Variants in DLG2 observed in about 807,000 individuals in gnomAD.
DLG2 encodes disks large homolog 2.
In DLG2, 45 loss-of-function variants were observed where a neutral mutation model predicts 132.5. That is an observed-to-expected ratio of 0.34 (90% CI 0.27 to 0.44). The LOEUF (loss-of-function observed/expected upper bound fraction) is 0.44. Ranked by LOEUF, DLG2 falls within the 20% of genes least tolerant of loss-of-function variation. The pLI, the probability that DLG2 is intolerant of heterozygous loss-of-function variation, is 1.00. For missense variants in DLG2, 1,045 were observed against 1,196.9 expected (o/e 0.87, Z 1.87); for synonymous variants, 424 against 419.6 (o/e 1.01, Z -0.13).
intron 6 of DLG2, among the ~76,000 whole-genome samples, chr11:84,612,525 C>T (rs1461726645): frequency 6.6e-6 from 1 of 151,964 alleles, no homozygotes; most frequent in African/African-American, 2.4e-5. Flanking sequence ...TTATGGTTAA[C>T]ACTAAGTATT....
chr11:84,374,485 GATTTT>G (rs2098721245), intron 7 of DLG2, among the ~76,000 whole-genome samples: 1 of 152,104 alleles, frequency 6.6e-6, no homozygotes, highest in African/African-American at 2.4e-5. Context: ...TTTAATCTGT[GATTTT>G]TTTTAGCCCA....
chr11:84,380,697 G>A (rs2098746329), intron 7 of DLG2, among the ~76,000 whole-genome samples: 1 of 151,396 alleles, frequency 6.6e-6, no homozygotes, highest in Non-Finnish European at 1.5e-5. Context: ...AAGAAAGTTG[G>A]GAAGAAGACT....
chr11:84,898,232 A>C (rs1033230373), intron 6 of DLG2, among the ~76,000 whole-genome samples: 3 of 152,002 alleles, frequency 2.0e-5, no homozygotes, highest in African/African-American at 4.8e-5. Context: ...AAAAATTTCT[A>C]ATCAGCTGTA....
chr11:84,599,306 C>T (rs552923246), intron 6 of DLG2, among the ~76,000 whole-genome samples: 14 of 152,222 alleles, frequency 9.2e-5, no homozygotes, highest in East Asian at 7.7e-4. Context: ...CCTTGTTTTA[C>T]GAGGGACTAT....
At chr11:84,869,936 T>C (rs1319045623) in intron 6 of DLG2, among the ~76,000 whole-genome samples, 2 of 152,228 alleles carry the variant, frequency 1.3e-5, no homozygotes, top group African/African-American at 2.4e-5. Flanking sequence ...GCAGAAAATA[T>C]GTTTTTGGAA....
At position 85,148,731 on chromosome 11, in the gene DLG2, T is replaced by C. The variant is rs151114643; in HGVS notation, c.282+5825A>G. Among the ~76,000 whole-genome samples the C allele has an allele frequency of 5.9e-3, 900 of 152,368 alleles. 11 individuals are homozygous for C. The highest frequency in any genetic ancestry group is 0.02 in the African/African-American group (826 of 41,584). On this transcript the variant is annotated intron_variant, in intron 5 of 27. Transcript: ENST00000376104. Reference sequence around the variant, plus strand: ...TTGCTTTGATGATAGTTTCCTTTGCTGTGCAGAAGCTCTGTAGTTTAATTA... The same window carrying C: ...TTGCTTTGATGATAGTTTCCTTTGCCGTGCAGAAGCTCTGTAGTTTAATTA...
intron 15 of DLG2, among the ~76,000 whole-genome samples, chr11:83,908,094 G>A (rs891162378): frequency 6.6e-6 from 1 of 152,174 alleles, no homozygotes; most frequent in African/African-American, 2.4e-5. Flanking sequence ...CATTGGAAAT[G>A]TTGCTTCTTA....
At chr11:85,347,599 T>C (rs1186688122) in intron 3 of DLG2, among the ~76,000 whole-genome samples, 3 of 152,094 alleles carry the variant, frequency 2.0e-5, no homozygotes, top group Non-Finnish European at 2.9e-5. Flanking sequence ...TTCTGTACTC[T>C]ACTGGGAGAT....
intron 15 of DLG2, among the ~76,000 whole-genome samples, chr11:83,900,464 C>G (rs116414591): frequency 0.025 from 3,829 of 152,190 alleles, 173 homozygotes; most frequent in African/African-American, 0.087. Flanking sequence ...CCCAGGGTAC[C>G]TCTGGTGTAT....
At chr11:85,518,629 A>G (rs1418983778) in intron 3 of DLG2, among the ~76,000 whole-genome samples, 2 of 152,220 alleles carry the variant, frequency 1.3e-5, no homozygotes, top group Non-Finnish European at 2.9e-5. Flanking sequence ...CCATTTTCTG[A>G]GGATAAATTC....
At chr11:84,083,913 T>C (rs984029185) in intron 10 of DLG2, among the ~76,000 whole-genome samples, 5 of 152,164 alleles carry the variant, frequency 3.3e-5, no homozygotes, top group Non-Finnish European at 5.9e-5. Context: ...TAAATAAATA[T>C]AGTTAGCATT....
intron 4 of DLG2, among the ~76,000 whole-genome samples, chr11:85,167,836 AAAGAT>A (rs2078571471): frequency 6.6e-6 from 1 of 152,144 alleles, no homozygotes; most frequent in African/African-American, 2.4e-5. Context: ...TGGATAAGGA[AAAGAT>A]ATTACTTTTT....
rs996295109 is a variant in DLG2, at chr11:84,530,427, C to A, written c.519+4143G>T. Reference sequence around the variant, plus strand: ...GGGTCTAATATTCAGAATCCATTAACAAGCCAAAAAACAATCCTTTAAAAA... The same window carrying A: ...GGGTCTAATATTCAGAATCCATTAAAAAGCCAAAAAACAATCCTTTAAAAA... On this transcript the variant is annotated intron_variant, in intron 7 of 27. Transcript: ENST00000376104. Among the ~76,000 whole-genome samples the A allele has an allele frequency of 4.0e-5, 6 of 151,732 alleles. No individual in the cohort carries two copies. In the South Asian group the frequency reaches 1.2e-3, roughly 32 times the overall value.
At chr11:84,660,346 T>C (rs1392925948) in intron 6 of DLG2, among the ~76,000 whole-genome samples, 1 of 152,140 alleles carries the variant, frequency 6.6e-6, no homozygotes, top group Non-Finnish European at 1.5e-5. Context: ...GATCCTGGAT[T>C]TGACATTGAC....
intron 7 of DLG2, among the ~76,000 whole-genome samples, chr11:84,343,253 C>A (rs1371983946): frequency 1.3e-5 from 2 of 152,144 alleles, no homozygotes; most frequent in African/African-American, 2.4e-5. Flanking sequence ...ACACTGAATT[C>A]TTGCCCAGGG....
chr11:85,159,696 G>T (rs1251307195), intron 4 of DLG2, among the ~76,000 whole-genome samples: 1 of 152,222 alleles, frequency 6.6e-6, no homozygotes, highest in East Asian at 1.9e-4. Context: ...CTGCTATGCA[G>T]CCATTGGCTT....
chr11:85,069,787 G>A (rs1476244704), intron 6 of DLG2, among the ~76,000 whole-genome samples: 2 of 152,130 alleles, frequency 1.3e-5, no homozygotes, highest in African/African-American at 4.8e-5. Context: ...ATTTGACCCA[G>A]CCATCCCATT....
chr11:83,566,712 G>GGTGTGTGTGTGT lies in DLG2; in HGVS notation c.1941-24866_1941-24855dup, dbSNP rs59829516. Among the ~76,000 whole-genome samples the GGTGTGTGTGTGT allele has an allele frequency of 1.9e-3, 270 of 144,038 alleles. 3 individuals are homozygous for GGTGTGTGTGTGT. The highest frequency in any genetic ancestry group is 5.4e-3 in the African/African-American group (216 of 39,696). 94.5% of individuals were successfully genotyped at this position (144,038 alleles called of 152,430 possible). The stretch of plus-strand genomic sequence containing the variant: ...GATAAAAGCTAAGGGCAGAGGGCAT[G>GGTGTGTGTGTGT]GTGTGTGTGTGTGTGTGTGTGTGTG... On this transcript the variant is annotated intron_variant, in intron 19 of 27. Transcript: ENST00000376104.
intron 7 of DLG2, among the ~76,000 whole-genome samples, chr11:84,420,606 C>A (rs111952046): frequency 1.4e-5 from 2 of 140,158 alleles, no homozygotes; most frequent in South Asian, 4.7e-4. Context: ...TTTAATTTGC[C>A]GCTTGTATTT....
Sources: gnomAD v4.1 joint callset for allele counts (sites outside exome capture counted in the v4.1 genomes callset) on GRCh38, gnomAD v4.1.1 for gene constraint, MANE v1.5 for transcripts, NCBI Gene and HGNC (gene_info 2026-07-23, HGNC 2026-07-21) for gene names.